Variants in DSG4 observed in about 807,000 individuals in gnomAD.
DSG4 encodes the protein desmoglein-4.
A neutral mutation model predicts 93.1 loss-of-function variants in DSG4; 87 were observed. The observed-to-expected ratio is 0.93, with a 90% CI of 0.79 to 1.12. The LOEUF is 1.12. DSG4 is among the 50% of genes most tolerant of loss of function. The pLI is 0.00. For synonymous variants in DSG4, 432 were observed against 452.9 expected (o/e 0.95, Z 0.59); for missense variants, 1,373 against 1,285.7 (o/e 1.07, Z -1.04).
At chr18:31,411,021 C>A in intron 14 of DSG4, 1 of 1,427,594 alleles carries the variant, frequency 7.0e-7, no homozygotes, top group Non-Finnish European at 9.4e-7. Flanking sequence ...CCACGTCCCA[C>A]CACTGACTCC....
intron 11 of DSG4, 56 bp downstream of exon 11, chr18:31,403,690 C>T (rs2072395251): frequency 6.5e-7 from 1 of 1,530,696 alleles, no homozygotes; most frequent in Non-Finnish European, 9.0e-7. Context: ...AAAACAATTA[C>T]CAAAAAATGT....
chr18:31,382,995 G>A (rs1480944298), intron 1 of DSG4, among the ~76,000 whole-genome samples: 3 of 152,304 alleles, frequency 2.0e-5, no homozygotes, highest in Admixed American at 6.5e-5. Context: ...CTCCTCATCC[G>A]TTTAAACTAC....
intron 10 of DSG4, among the ~76,000 whole-genome samples, chr18:31,402,817 C>T (rs3848484): frequency 0.013 from 1,967 of 152,250 alleles, 36 homozygotes; most frequent in African/African-American, 0.046. Context: ...ATTATACTAT[C>T]CAAAAACTTG....
intron 2 of DSG4, among the ~76,000 whole-genome samples, chr18:31,386,448 C>T (rs560153887): frequency 1.3e-5 from 2 of 152,242 alleles, no homozygotes; most frequent in East Asian, 1.9e-4. Context: ...CCTCAAGTAG[C>T]TAATTAAATT....
Position 31,400,869 on chromosome 18 carries a change from A to T in DSG4, c.1278-12A>T. 1 of 1,611,196 alleles carries T rather than the reference A, an allele frequency of 6.2e-7. No individual in the cohort carries two copies. The highest frequency in any genetic ancestry group is 8.5e-7 in the Non-Finnish European group (1 of 1,178,472). On this transcript the variant is annotated splice_polypyrimidine_tract_variant and intron_variant, in intron 9 of 15. Coordinates refer to ENST00000308128, the MANE Select transcript of DSG4 (RefSeq NM_177986.5). ...TAAAAGCATGATAACGAACTTTTTT[A>T]TTTAAAAACAGATATATCATAGGGC... is the stretch of plus-strand genomic sequence containing the variant.
chr18:31,398,597 C>G (rs1033355859), intron 8 of DSG4, among the ~76,000 whole-genome samples: 1 of 152,158 alleles, frequency 6.6e-6, no homozygotes, highest in Non-Finnish European at 1.5e-5. Flanking sequence ...TTCATTGTGA[C>G]TTTTCATGTC....
At chr18:31,408,658 C>T (rs567905459) in intron 12 of DSG4, among the ~76,000 whole-genome samples, 3 of 152,238 alleles carry the variant, frequency 2.0e-5, no homozygotes, top group Non-Finnish European at 2.9e-5. Context: ...GAGAATGGGG[C>T]ATCCATCCCC....
At position 31,385,119 on chromosome 18, in the gene DSG4, A is replaced by G; in HGVS notation, c.49-17A>G. 1 of 1,599,250 alleles carries G rather than the reference A, an allele frequency of 6.3e-7. No homozygotes were observed. The highest frequency in any genetic ancestry group is 8.6e-7 in the Non-Finnish European group (1 of 1,168,942). ...TTATGCAAATTTATGCTAATGTGGT[A>G]TCTTCTATCAAAACAGGTGGTGATG... is the stretch of plus-strand genomic sequence containing the variant. On this transcript the variant is annotated splice_polypyrimidine_tract_variant and intron_variant, in intron 1 of 15. Coordinates refer to ENST00000308128, the MANE Select transcript of DSG4 (RefSeq NM_177986.5).
intron 5 of DSG4, 103 bp downstream of exon 5, chr18:31,389,121 C>T (rs1327038281): frequency 5.2e-6 from 7 of 1,344,272 alleles, no homozygotes; most frequent in African/African-American, 4.4e-5. Context: ...ACAGAAAAAG[C>T]CACACTTGTA....
chr18:31,378,946 A>G (rs891501017), intron 1 of DSG4, among the ~76,000 whole-genome samples: 7 of 152,136 alleles, frequency 4.6e-5, no homozygotes, highest in African/African-American at 1.4e-4. Flanking sequence ...TGCAGCTTAC[A>G]CTAATGAGGG....
intron 1 of DSG4, among the ~76,000 whole-genome samples, chr18:31,381,246 T>C (rs946084409): frequency 1.3e-5 from 2 of 152,218 alleles, no homozygotes; most frequent in Non-Finnish European, 2.9e-5. Flanking sequence ...TGTTTCATAT[T>C]GAGACGAGGT....
At position 31,413,016 on chromosome 18, in the gene DSG4, A is replaced by C. The variant is rs1306839467; in HGVS notation, c.2544A>C (p.Leu848Phe). Residue 848 changes from leucine to phenylalanine, a missense_variant, in exon 16 of 16, where the codon TTA becomes TTC. Leu to Phe is a conservative substitution (Grantham distance 22, BLOSUM62 0). Coordinates refer to ENST00000308128, the MANE Select transcript of DSG4 (RefSeq NM_177986.5). ...TTAGGACTCTTGCTGAGATCTGCTT[A>C]AACACAGAAATTGAACCATTTCCTT... is the stretch of plus-strand genomic sequence containing the variant. ...PKFRTLAEIC[L>F]NTEIEPFPSH... 22 of 1,614,094 alleles carry C rather than the reference A, an allele frequency of 1.4e-5. No homozygotes were observed. Among genetic ancestry groups the C allele is most frequent in the Non-Finnish European group, 1.7e-5 (20 of 1,180,050 alleles).
chr18:31,387,383 A>G (rs1308409910), intron 3 of DSG4, among the ~76,000 whole-genome samples: 1 of 152,188 alleles, frequency 6.6e-6, no homozygotes, highest in Non-Finnish European at 1.5e-5. Flanking sequence ...GATCCTGAAC[A>G]GTAAAGTGAT....
chr18:31,383,012 G>C (rs1352223508), intron 1 of DSG4, among the ~76,000 whole-genome samples: 1 of 152,162 alleles, frequency 6.6e-6, no homozygotes, highest in Middle Eastern at 3.2e-3. Flanking sequence ...CTACAGACAA[G>C]TCTGCTTGAT....
rs146237253 is a variant in DSG4 at position 31,412,728 on chromosome 18, G to A, written c.2356-100G>A. On this transcript the variant is annotated intron_variant, in intron 15 of 15. Transcript: ENST00000308128. ...TTGATACCATTATTCAGTTTATTCC[G>A]TAACAACTTAACTCAGAAGTCTCTC... 6.5e-3 allele frequency: 8,212 copies of A among 1,260,750 alleles called. 53 individuals carry two copies. The highest frequency in any genetic ancestry group is 0.012 in the South Asian group (895 of 77,280). 78.1% of individuals were successfully genotyped at this position (1,260,750 alleles called of 1,614,324 possible).
chr18:31,409,073 T>A (rs899784372), intron 12 of DSG4, among the ~76,000 whole-genome samples: 1 of 152,226 alleles, frequency 6.6e-6, no homozygotes, highest in Non-Finnish European at 1.5e-5. Flanking sequence ...TATAGCTGAA[T>A]CCTGTATTCA....
intron 3 of DSG4, 32 bp from the exon 4 acceptor site, chr18:31,388,335 C>T: frequency 2.5e-6 from 4 of 1,611,164 alleles, no homozygotes; most frequent in Non-Finnish European, 2.5e-6. Flanking sequence ...CTGCTCTAAA[C>T]TGGATCACAA....
At position 31,406,083 on chromosome 18, in the gene DSG4, C is replaced by G. The variant is rs1198346538; in HGVS notation, c.1643C>G (p.Ser548Trp). The change falls in exon 12 of 16, where the codon TCG (serine) becomes TGG (tryptophan). Residue 548 changes from serine (S) to tryptophan (W), a missense_variant. By Grantham distance (177) the Ser-to-Trp change is radical. Transcript: ENST00000308128. ...TTCCTCTCTTCCATTTCAGCTACCT[C>G]GGCAATCCTTACGGCTAAGCAGGTT... ...MWDVRSTNATSAILTAKQVLS... is the reference protein window; with the variant it reads ...MWDVRSTNATWAILTAKQVLS... 3 of 1,613,996 alleles carry G rather than the reference C, an allele frequency of 1.9e-6. No homozygotes were observed. The East Asian group carries it at 6.7e-5, about 36-fold the overall frequency.
intron 8 of DSG4, among the ~76,000 whole-genome samples, chr18:31,393,106 T>C (rs892966948): frequency 3.9e-5 from 6 of 152,224 alleles, no homozygotes; most frequent in African/African-American, 7.2e-5. Flanking sequence ...AGATTAACAT[T>C]ACTGTAATGA....
Sources: allele counts gnomAD v4.1 joint callset (sites outside exome capture counted in the v4.1 genomes callset), GRCh38; gene constraint gnomAD v4.1.1; transcripts MANE v1.5; gene names NCBI Gene and HGNC (gene_info 2026-07-23, HGNC 2026-07-21).